The following TACR1 variants were observed in gnomAD, a reference collection of about 807,000 sequenced individuals.
The protein encoded by TACR1 is substance-P receptor.
In TACR1, 25 loss-of-function variants were observed where a neutral mutation model predicts 35.8. The ratio of observed to expected loss-of-function variants is 0.70; its 90% CI spans 0.51 to 0.98. TACR1 has a LOEUF of 0.98. Among genes scored for constraint, TACR1 ranks in the 50% least tolerant of loss-of-function variants. The pLI, the probability that TACR1 is intolerant of heterozygous loss-of-function variation, is 0.00. For synonymous variants in TACR1, 195 were observed against 206.7 expected (o/e 0.94, Z 0.48); for missense variants, 478 against 522.9 (o/e 0.91, Z 0.84).
intron 1 of TACR1, among the ~76,000 whole-genome samples, chr2:75,176,750 ACT>A (rs1675430321): frequency 6.6e-6 from 1 of 151,930 alleles, no homozygotes; most frequent in Non-Finnish European, 1.5e-5. Context: ...CAAGTAGGAA[ACT>A]CTAATTAGGA....
At chr2:75,108,447 A>T (rs1220348711) in intron 2 of TACR1, among the ~76,000 whole-genome samples, 1 of 152,206 alleles carries the variant, frequency 6.6e-6, no homozygotes, top group Non-Finnish European at 1.5e-5. Flanking sequence ...GAATAGTATA[A>T]TGCTTCTTAA....
chr2:75,076,198 C>A (rs1672973082), intron 2 of TACR1, among the ~76,000 whole-genome samples: 1 of 152,168 alleles, frequency 6.6e-6, no homozygotes, highest in East Asian at 1.9e-4. Context: ...CATGAAATAA[C>A]CATACTCCCA....
At chr2:75,128,509 C>G (rs1414979631) in intron 1 of TACR1, among the ~76,000 whole-genome samples, 1 of 152,104 alleles carries the variant, frequency 6.6e-6, no homozygotes, top group African/African-American at 2.4e-5. Context: ...GCAGGTGGGC[C>G]AGACAGTAAG....
intron 1 of TACR1, among the ~76,000 whole-genome samples, chr2:75,155,411 A>T (rs1414009237): frequency 6.7e-6 from 1 of 150,148 alleles, no homozygotes; most frequent in Non-Finnish European, 1.5e-5. Flanking sequence ...CTTTGCTTAC[A>T]TGCCCTTCTT....
intron 2 of TACR1, among the ~76,000 whole-genome samples, chr2:75,107,192 A>G (rs1403038316): frequency 2.0e-5 from 3 of 152,032 alleles, no homozygotes; most frequent in East Asian, 1.9e-4. Flanking sequence ...TGTATAATCT[A>G]TAGTGAAAAC....
Position 75,089,282 on chromosome 2 carries a change from A to G in TACR1, c.584+31292T>C, listed in dbSNP as rs547139914. Among the ~76,000 whole-genome samples the G allele has an allele frequency of 1.5e-3, 221 of 152,330 alleles. 1 individual carries two copies. The highest frequency in any genetic ancestry group is 5.3e-3 in the African/African-American group (220 of 41,562). ...AAATCTTCTAGCTCTCCCTTCAAAGATATACCAAGAAGAATAGCACTTCTC... is the reference window on the plus strand; with the variant it reads ...AAATCTTCTAGCTCTCCCTTCAAAGGTATACCAAGAAGAATAGCACTTCTC... On this transcript the variant is annotated intron_variant, in intron 2 of 4. Coordinates refer to ENST00000305249, the MANE Select transcript of TACR1 (RefSeq NM_001058.4).
At chr2:75,162,280 G>T (rs1004127253) in intron 1 of TACR1, among the ~76,000 whole-genome samples, 14 of 152,174 alleles carry the variant, frequency 9.2e-5, no homozygotes, top group African/African-American at 3.4e-4. Flanking sequence ...AAGGTCAAAG[G>T]CATCCTAAAG....
intron 2 of TACR1, among the ~76,000 whole-genome samples, chr2:75,104,920 C>T (rs767914096): frequency 2.6e-5 from 4 of 152,008 alleles, no homozygotes; most frequent in Non-Finnish European, 5.9e-5. Flanking sequence ...AAAGGGAATA[C>T]TTGTGCATGG....
chr2:75,184,383 T>TA (rs375524381), intron 1 of TACR1, among the ~76,000 whole-genome samples: 4 of 150,770 alleles, frequency 2.7e-5, no homozygotes, highest in Non-Finnish European at 5.9e-5. Flanking sequence ...CATCACAGGT[T>TA]AAAAAAAAAG....
At chr2:75,159,130 A>T (rs910782421) in intron 1 of TACR1, among the ~76,000 whole-genome samples, 1 of 151,954 alleles carries the variant, frequency 6.6e-6, no homozygotes, top group African/African-American at 2.4e-5. Context: ...TTTGTAGGGG[A>T]CCTGATTTTT....
At chr2:75,052,010 A>G (rs1408365790) in intron 3 of TACR1, among the ~76,000 whole-genome samples, 3 of 152,154 alleles carry the variant, frequency 2.0e-5, no homozygotes, top group African/African-American at 7.2e-5. Flanking sequence ...GGGAAGGAGA[A>G]GGGAAAAGAT....
chr2:75,107,960 TTG>T (rs1227107745), intron 2 of TACR1, among the ~76,000 whole-genome samples: 1 of 114,454 alleles, frequency 8.7e-6, no homozygotes, highest in Non-Finnish European at 2.1e-5. Flanking sequence ...TGATGTATAA[TTG>T]TATGTTATTA....
chr2:75,153,027 C>G (rs569011852), intron 1 of TACR1, among the ~76,000 whole-genome samples: 1 of 152,152 alleles, frequency 6.6e-6, no homozygotes, highest in Non-Finnish European at 1.5e-5. Flanking sequence ...TTCAGTTTCC[C>G]GAGTAGTGGG....
In TACR1 at chr2:75,049,561, G is replaced by C. The variant is rs150773283; in HGVS notation, c.1095C>G (p.His365Gln). The change falls in exon 5 of 5, where the codon CAC becomes CAG. Residue 365 changes from histidine to glutamine, a missense_variant. His to Gln is a conservative substitution (Grantham distance 24). Transcript: ENST00000305249. Reference protein sequence around the residue: ...ETTISTVVGAHEEEPEDGPKA... With the variant: ...ETTISTVVGAQEEEPEDGPKA... ...TGGGGCCGTCCTCTGGCTCCTCCTC[G>C]TGGGCCCCCACCACTGTGGAGATGG... 3.3e-5 allele frequency: 54 copies of C among 1,614,068 alleles called. No homozygotes were observed. Among genetic ancestry groups the C allele is most frequent in the Admixed American group, 1.7e-5 (1 of 60,014 alleles).
chr2:75,137,914 C>A (rs956978087), intron 1 of TACR1, among the ~76,000 whole-genome samples: 3 of 152,026 alleles, frequency 2.0e-5, no homozygotes, highest in Admixed American at 6.6e-5. Flanking sequence ...GGATCTTTGG[C>A]ATAAGACATT....
At chr2:75,163,964 T>TG (rs1265864787) in intron 1 of TACR1, among the ~76,000 whole-genome samples, 2 of 151,844 alleles carry the variant, frequency 1.3e-5, no homozygotes, top group Non-Finnish European at 2.9e-5. Context: ...ACCCTTGTCT[T>TG]GAAAAAAAAA....
intron 1 of TACR1, among the ~76,000 whole-genome samples, chr2:75,165,393 T>TC (rs201373015): frequency 0.016 from 2,487 of 152,184 alleles, 58 homozygotes; most frequent in East Asian, 0.086. Flanking sequence ...CACTGCAAGC[T>TC]CGCCTCCAGG....
In TACR1 at chr2:75,107,837, AATAAAG is replaced by A. The variant is rs564876497; in HGVS notation, c.584+12731_584+12736del. Among the ~76,000 whole-genome samples the A allele has an allele frequency of 4.1e-4, 63 of 152,140 alleles. 1 individual carries two copies. The highest frequency in any genetic ancestry group is 3.7e-3 in the South Asian group (18 of 4,828). ...AAACGAACTTAGGTAGGGGGAGAAAAATAAAGATAAAAGATACATTAAAGAATGAAA... is the reference window on the plus strand; with the variant it reads ...AAACGAACTTAGGTAGGGGGAGAAAAATAAAAGATACATTAAAGAATGAAA... On this transcript the variant is annotated intron_variant, in intron 2 of 4. Transcript: ENST00000305249.
At chr2:75,145,016 T>C (rs1319296964) in intron 1 of TACR1, among the ~76,000 whole-genome samples, 1 of 152,134 alleles carries the variant, frequency 6.6e-6, no homozygotes, top group Non-Finnish European at 1.5e-5. Flanking sequence ...ATCAATACAT[T>C]TGGAATGTAT....
Sources: gnomAD v4.1 joint callset for allele counts (sites outside exome capture counted in the v4.1 genomes callset) on GRCh38, gnomAD v4.1.1 for gene constraint, MANE v1.5 for transcripts, NCBI Gene and HGNC (gene_info 2026-07-23, HGNC 2026-07-21) for gene names.